ASTN2: variants seen among roughly 807,000 people sequenced by gnomAD.
ASTN2 encodes the protein astrotactin 2.
ASTN2 carries 54 observed loss-of-function variants against 139.8 expected under a neutral mutation model. The observed-to-expected ratio is 0.39, with a 90% confidence interval of 0.31 to 0.48. The LOEUF (loss-of-function observed/expected upper bound fraction) is 0.48, where lower values mean the gene tolerates loss of function less well. ASTN2 is among the 20% of genes least tolerant of loss of function. The probability of loss-of-function intolerance (pLI) is 0.95; values close to 1 mark genes in which losing one functional copy is unlikely to be tolerated. For synonymous variants in ASTN2, 756 were observed against 719.5 expected, an observed-to-expected ratio of 1.05 and a Z score of -0.81; for missense variants, 1,565 against 1,725.1, an observed-to-expected ratio of 0.91 and a Z score of 1.64.
chr9:116,482,134 G>A (rs1849189190), intron 20 of ASTN2, among the ~76,000 whole-genome samples: 1 of 152,144 alleles, frequency 6.6e-6, no homozygotes, highest in Non-Finnish European at 1.5e-5. Context: ...AGACCATCCT[G>A]GCTAACACGG....
chr9:116,754,301 T>C (rs1237610241), intron 13 of ASTN2, among the ~76,000 whole-genome samples: 1 of 152,196 alleles, frequency 6.6e-6, no homozygotes, highest in East Asian at 1.9e-4. Context: ...AGTAGAATGA[T>C]TTATAATCCT....
At chr9:116,838,887 A>G (rs1240350813) in intron 11 of ASTN2, among the ~76,000 whole-genome samples, 2 of 152,166 alleles carry the variant, frequency 1.3e-5, no homozygotes, top group African/African-American at 4.8e-5. Flanking sequence ...TAGAAAGGGG[A>G]AAATTAGCTC....
intron 11 of ASTN2, among the ~76,000 whole-genome samples, chr9:116,825,100 C>T (rs184276523): frequency 2.0e-5 from 3 of 152,172 alleles, no homozygotes; most frequent in Admixed American, 6.5e-5. Flanking sequence ...TGACCTTGGA[C>T]AAGTCCTTGA....
chr9:117,039,455 G>A (rs1838487937), intron 6 of ASTN2, among the ~76,000 whole-genome samples: 2 of 152,084 alleles, frequency 1.3e-5, no homozygotes, highest in African/African-American at 2.4e-5. Context: ...GGGATGGAGA[G>A]CATTAGCACA....
chr9:116,745,797 C>T (rs1467802792), intron 13 of ASTN2, among the ~76,000 whole-genome samples: 2 of 152,228 alleles, frequency 1.3e-5, no homozygotes, highest in African/African-American at 4.8e-5. Flanking sequence ...TGAAATGTTT[C>T]TAACACAAAT....
intron 1 of ASTN2, among the ~76,000 whole-genome samples, chr9:117,348,452 T>C (rs2130876047): frequency 6.6e-6 from 1 of 152,322 alleles, no homozygotes; most frequent in South Asian, 2.1e-4. Context: ...ACCCTATATC[T>C]ACATGGCATG....
At chr9:116,531,673 C>T (rs1461812664) in intron 19 of ASTN2, among the ~76,000 whole-genome samples, 6 of 152,084 alleles carry the variant, frequency 3.9e-5, no homozygotes, top group African/African-American at 9.7e-5. Flanking sequence ...GCTTCATCCA[C>T]GTTCCTACAA....
chr9:116,683,240 T>C (rs1859999449), intron 16 of ASTN2, among the ~76,000 whole-genome samples: 1 of 152,030 alleles, frequency 6.6e-6, no homozygotes. Context: ...AGGAAAAACT[T>C]TCAAATTGAA....
intron 6 of ASTN2, among the ~76,000 whole-genome samples, chr9:117,033,357 T>C (rs1001075728): frequency 6.6e-6 from 1 of 152,170 alleles, no homozygotes; most frequent in African/African-American, 2.4e-5. Context: ...TTACTACTTC[T>C]AACATTTATA....
chr9:117,231,942 C>T (rs871120), intron 2 of ASTN2, among the ~76,000 whole-genome samples: 51,808 of 151,984 alleles, frequency 0.34, 9,719 homozygotes, highest in Middle Eastern at 0.46. Flanking sequence ...GTGAGCACAC[C>T]TTCCTTTTCT....
chr9:116,684,778 G>C (rs1588193833), intron 16 of ASTN2, among the ~76,000 whole-genome samples: 1 of 152,282 alleles, frequency 6.6e-6, no homozygotes, highest in Middle Eastern at 3.4e-3. Context: ...TACACTTTAA[G>C]ATTAAGGTGT....
chr9:116,626,154 GTTTTTTTTTTT>G (rs751026997), intron 17 of ASTN2, among the ~76,000 whole-genome samples: 22 of 34,444 alleles, frequency 6.4e-4, no homozygotes, highest in Non-Finnish European at 6.7e-4. Flanking sequence ...TAGTTTTTGT[GTTTTTTTTTTT>G]TTTTTTTTTT....
At chr9:117,377,532 C>T (rs574955848) in intron 1 of ASTN2, among the ~76,000 whole-genome samples, 19 of 152,076 alleles carry the variant, frequency 1.2e-4, no homozygotes, top group Non-Finnish European at 2.5e-4. Context: ...AAATTAGGAT[C>T]GCTTTTTAAG....
chr9:116,842,337 A>C (rs1373126967), intron 11 of ASTN2, among the ~76,000 whole-genome samples: 1 of 152,166 alleles, frequency 6.6e-6, no homozygotes, highest in Non-Finnish European at 1.5e-5. Context: ...TTTAATCCCC[A>C]CAAAACTCAG....
chr9:116,980,841 C>A (rs977030090), intron 7 of ASTN2, among the ~76,000 whole-genome samples: 1 of 152,188 alleles, frequency 6.6e-6, no homozygotes. Context: ...ACAGCCAGAG[C>A]TGAGGGTAAT....
chr9:117,380,409 AT>A (rs1422088619), intron 1 of ASTN2, among the ~76,000 whole-genome samples: 1 of 152,060 alleles, frequency 6.6e-6, no homozygotes, highest in Non-Finnish European at 1.5e-5. Context: ...GATCAAGACC[AT>A]CCTGGCCGAC....
intron 5 of ASTN2, among the ~76,000 whole-genome samples, chr9:117,077,315 T>C (rs1828306923): frequency 1.3e-5 from 2 of 152,194 alleles, no homozygotes; most frequent in African/African-American, 2.4e-5. Flanking sequence ...GAGCAAGTGA[T>C]TTAAACTTTC....
At position 116,763,248 on chromosome 9, in the gene ASTN2, C is replaced by T. The variant is rs115592647; in HGVS notation, c.2397-29725G>A. Among the ~76,000 whole-genome samples, 486 of 152,298 alleles carry T rather than the reference C, an allele frequency of 3.2e-3. 1 individual carries two copies. The highest frequency in any genetic ancestry group is 0.011 in the African/African-American group (466 of 41,568). On this transcript the variant is annotated intron_variant, in intron 13 of 22. Transcript: ENST00000313400. ...GCAGTAGGTGCTGAATAGTAATTCTCGCTGTTTTGGACACATGTGCTAGGG... is the reference window on the plus strand; with the variant it reads ...GCAGTAGGTGCTGAATAGTAATTCTTGCTGTTTTGGACACATGTGCTAGGG...
At chr9:117,063,477 C>G (rs1408998284) in intron 5 of ASTN2, among the ~76,000 whole-genome samples, 1 of 152,194 alleles carries the variant, frequency 6.6e-6, no homozygotes, top group African/African-American at 2.4e-5. Flanking sequence ...CTCTCATTCT[C>G]TCTCTTGCCT....
Sources: allele counts gnomAD v4.1 joint callset (sites outside exome capture counted in the v4.1 genomes callset), GRCh38; gene constraint gnomAD v4.1.1; transcripts MANE v1.5; gene names NCBI Gene and HGNC (gene_info 2026-07-23, HGNC 2026-07-21).